The following PDGFRA variants were observed in gnomAD, a reference collection of about 807,000 sequenced individuals.
PDGFRA encodes the protein platelet derived growth factor receptor alpha.
A neutral mutation model predicts 121.5 loss-of-function variants in PDGFRA; 25 were observed. That is an observed-to-expected ratio of 0.21 (90% CI 0.15 to 0.29). PDGFRA has a LOEUF of 0.29. Ranked by LOEUF, PDGFRA falls within the 10% of genes least tolerant of loss-of-function variation. The pLI is 1.00. For missense variants in PDGFRA, 1,008 were observed against 1,345.1 expected (o/e 0.75, Z 3.92); for synonymous variants, 463 against 494.8 (o/e 0.94, Z 0.85).
chr4:54,282,039 G>T, intron 16 of PDGFRA: 1 of 869,672 alleles, frequency 1.1e-6, no homozygotes, highest in South Asian at 4.8e-5. Context: ...TTTAGTGTGT[G>T]TTTATGTGTA....
chr4:54,291,334 C>T (rs1230265951), intron 22 of PDGFRA, among the ~76,000 whole-genome samples: 1 of 152,124 alleles, frequency 6.6e-6, no homozygotes, highest in African/African-American at 2.4e-5. Flanking sequence ...AGAAGAACAA[C>T]AGTTATTAAA....
chr4:54,229,953 A>C, intron 1 of PDGFRA: 1 of 59,030 alleles, frequency 1.7e-5, no homozygotes, highest in East Asian at 3.8e-4. Context: ...GGGAGAGGGG[A>C]GCGTGGAGGG....
At chr4:54,247,674 C>G (rs1440949870) in intron 1 of PDGFRA, among the ~76,000 whole-genome samples, 1 of 152,144 alleles carries the variant, frequency 6.6e-6, no homozygotes, top group African/African-American at 2.4e-5. Context: ...GACAGGGATG[C>G]GCTCTCTCAC....
intron 1 of PDGFRA, among the ~76,000 whole-genome samples, chr4:54,236,501 T>G (rs1721019508): frequency 6.6e-6 from 1 of 152,206 alleles, no homozygotes; most frequent in South Asian, 2.1e-4. Context: ...AGATAAGTAA[T>G]GACATGAAAC....
In PDGFRA at chr4:54,295,626, T is replaced by G; in HGVS notation, c.*354T>G. 1 of 398,026 alleles carries G rather than the reference T, an allele frequency of 2.5e-6. No homozygotes were observed. The highest frequency in any genetic ancestry group is 3.1e-5 in the South Asian group (1 of 32,122). The allele number at this position is 398,026 out of a possible 1,614,324, so 24.7% of individuals were successfully genotyped here. A position where few individuals can be genotyped will look rare whatever the true frequency, so the allele number is the denominator to read the frequency against. On this transcript the variant is annotated 3_prime_UTR_variant, in exon 23 of 23. Transcript: ENST00000257290. The stretch of plus-strand genomic sequence containing the variant: ...TGCGACAGAACTTCAGCATTGTAAT[T>G]ATGTAAATAACTCTAACCAAGGCTG...
chr4:54,288,581 A>G (rs973377950), intron 19 of PDGFRA, among the ~76,000 whole-genome samples: 1 of 152,004 alleles, frequency 6.6e-6, no homozygotes, highest in Non-Finnish European at 1.5e-5. Context: ...AATTTTTGTG[A>G]TGGTACTTGG....
intron 1 of PDGFRA, among the ~76,000 whole-genome samples, chr4:54,231,311 A>G (rs111891300): frequency 4.5e-4 from 68 of 152,314 alleles, no homozygotes; most frequent in African/African-American, 1.6e-3. Flanking sequence ...TTTGGCTCCG[A>G]GGCCAAATTG....
rs1162867555 is a variant in PDGFRA, at chr4:54,274,380, T to A, written c.1559-151T>A. ...TGGGTGTAGATGGTTTGAGAGATGG[T>A]ACTGCCTATCCCTAAAATGAACCAG... On this transcript the variant is annotated intron_variant, in intron 10 of 22. Coordinates refer to ENST00000257290, the MANE Select transcript of PDGFRA (RefSeq NM_006206.6). 4.3e-6 allele frequency: 3 copies of A among 697,466 alleles called. No individual in the cohort carries two copies. In the African/African-American group the frequency reaches 5.2e-5, roughly 12 times the overall value. 43.2% of individuals were successfully genotyped at this position (697,466 alleles called of 1,614,324 possible).
At chr4:54,232,565 G>A (rs1003793057) in intron 1 of PDGFRA, among the ~76,000 whole-genome samples, 4 of 152,184 alleles carry the variant, frequency 2.6e-5, no homozygotes, top group Middle Eastern at 3.2e-3. Context: ...GCGCGTGTCG[G>A]GCAAGGTGGC....
intron 10 of PDGFRA, 31 bp from the exon 11 acceptor site, chr4:54,274,500 T>C (rs2110295772): frequency 1.9e-6 from 3 of 1,551,982 alleles, no homozygotes; most frequent in Non-Finnish European, 2.7e-6. Context: ...CCAGGAAACT[T>C]TTCATTGTGC....
intron 16 of PDGFRA, among the ~76,000 whole-genome samples, chr4:54,284,585 A>G (rs1724223996): frequency 6.8e-6 from 1 of 147,226 alleles, no homozygotes; most frequent in African/African-American, 2.4e-5. Flanking sequence ...AGAGAGAGAG[A>G]GAGAGAGAGA....
intron 8 of PDGFRA, 131 bp downstream of exon 8, chr4:54,270,879 C>T: frequency 1.4e-6 from 1 of 694,920 alleles, no homozygotes. Context: ...GCATATGTCA[C>T]ATATCGGGAA....
chr4:54,291,443 A>T (rs904622299), intron 22 of PDGFRA, among the ~76,000 whole-genome samples: 3 of 152,190 alleles, frequency 2.0e-5, no homozygotes, highest in Non-Finnish European at 2.9e-5. Flanking sequence ...AAATATTATC[A>T]TACTCCATTA....
At chr4:54,238,765 A>G (rs1320424383) in intron 1 of PDGFRA, among the ~76,000 whole-genome samples, 3 of 152,180 alleles carry the variant, frequency 2.0e-5, no homozygotes, top group Admixed American at 2.0e-4. Flanking sequence ...CAGGATTTCA[A>G]GATGAGCCTG....
Position 54,261,898 on chromosome 4 carries a change from CATATATATATATAT to C in PDGFRA, c.367+507_367+520del, listed in dbSNP as rs397880252. On this transcript the variant is annotated intron_variant, in intron 3 of 22. Transcript: ENST00000257290. ...TTTCTTTTTCCTTTTAAAAAAGTTA[CATATATATATATAT>C]ATATATATATATATATATATTTTTT... Among the ~76,000 whole-genome samples the C allele has an allele frequency of 3.9e-3, 375 of 95,300 alleles. 5 individuals are homozygous for C. Among genetic ancestry groups the C allele is most frequent in the African/African-American group, 0.015 (361 of 24,650 alleles). 62.5% of individuals were successfully genotyped at this position (95,300 alleles called of 152,430 possible).
At chr4:54,251,255 T>C (rs1201490022) in intron 1 of PDGFRA, among the ~76,000 whole-genome samples, 1 of 152,148 alleles carries the variant, frequency 6.6e-6, no homozygotes, top group Admixed American at 6.5e-5. Flanking sequence ...TTTTAATGAC[T>C]TTTTGCTTAA....
rs534930723 is a variant in PDGFRA, at chr4:54,295,100, A to G, written c.3123-25A>G. On this transcript the variant is annotated intron_variant, in intron 22 of 22. Transcript: ENST00000257290. The stretch of plus-strand genomic sequence containing the variant: ...TCTAGTTCTGTGCAGGAGTTGTAAT[A>G]TTTGCTCTTCTCTCCCTCCTCCAGC... 7 of 1,611,884 alleles carry G rather than the reference A, an allele frequency of 4.3e-6. No homozygotes were observed. The African/African-American group carries it at 9.3e-5, about 21-fold the overall frequency.
At chr4:54,239,299 T>C (rs994639454) in intron 1 of PDGFRA, among the ~76,000 whole-genome samples, 5 of 152,220 alleles carry the variant, frequency 3.3e-5, no homozygotes, top group African/African-American at 1.2e-4. Flanking sequence ...GAAATAACTA[T>C]AGGTATACTC....
At chr4:54,231,150 A>G (rs934998924) in intron 1 of PDGFRA, among the ~76,000 whole-genome samples, 7 of 152,212 alleles carry the variant, frequency 4.6e-5, no homozygotes, top group African/African-American at 1.7e-4. Flanking sequence ...GAATTGTGCT[A>G]AGACCTCAGG....
Sources: gnomAD v4.1 joint callset for allele counts (sites outside exome capture counted in the v4.1 genomes callset) on GRCh38, gnomAD v4.1.1 for gene constraint, MANE v1.5 for transcripts, NCBI Gene and HGNC (gene_info 2026-07-23, HGNC 2026-07-21) for gene names.